LARGE1: variants seen among roughly 807,000 people sequenced by gnomAD.
LARGE1 encodes xylosyl- and glucuronyltransferase LARGE1.
LARGE1 carries 43 observed loss-of-function variants against 87.6 expected under a neutral mutation model. The observed-to-expected ratio is 0.49, with a 90% confidence interval of 0.38 to 0.63. LARGE1 has a LOEUF of 0.63. Among genes scored for constraint, LARGE1 ranks in the 30% least tolerant of loss-of-function variants. The probability of loss-of-function intolerance (pLI) is 0.00; values close to 1 mark genes in which losing one functional copy is unlikely to be tolerated. For missense variants in LARGE1, 802 were observed against 1,000.2 expected (o/e 0.80, Z 2.67); for synonymous variants, 434 against 394.6 (o/e 1.10, Z -1.18).
chr22:33,541,814 A>C (rs1406166682), intron 6 of LARGE1, among the ~76,000 whole-genome samples: 1 of 151,874 alleles, frequency 6.6e-6, no homozygotes, highest in East Asian at 1.9e-4. Flanking sequence ...TCTTAAGTCA[A>C]GGAAACAAAC....
intron 12 of LARGE1, 43 bp from the exon 13 acceptor site, chr22:33,283,391 C>T: frequency 6.2e-7 from 1 of 1,611,986 alleles, no homozygotes; most frequent in Non-Finnish European, 8.5e-7. Flanking sequence ...CCCTGTGACA[C>T]CAGGCCAAGG....
chr22:33,397,736 G>A (rs2065798089), intron 7 of LARGE1, among the ~76,000 whole-genome samples: 1 of 152,200 alleles, frequency 6.6e-6, no homozygotes, highest in South Asian at 2.1e-4. Context: ...ATGTGCTCAG[G>A]TTAAGTAGAT....
chr22:33,704,558 T>C (rs2082505368), intron 2 of LARGE1, among the ~76,000 whole-genome samples: 1 of 152,166 alleles, frequency 6.6e-6, no homozygotes, highest in South Asian at 2.1e-4. Context: ...CCTGATTCCC[T>C]GAGCACTACT....
At chr22:33,110,219 C>A in the LARGE1 span, among the ~76,000 whole-genome samples, 1 of 152,228 alleles carries the variant, frequency 6.6e-6, no homozygotes, top group Non-Finnish European at 1.5e-5. Flanking sequence ...GTCTACCCCA[C>A]ACCATCTGCA....
At chr22:33,455,343 T>C (rs1217529913) in intron 6 of LARGE1, among the ~76,000 whole-genome samples, 1 of 152,238 alleles carries the variant, frequency 6.6e-6, no homozygotes, top group African/African-American at 2.4e-5. Context: ...AAACCTTTTA[T>C]GTCATTTCTT....
chr22:33,430,380 AAG>A (rs2067037069), intron 7 of LARGE1, among the ~76,000 whole-genome samples: 1 of 152,168 alleles, frequency 6.6e-6, no homozygotes, highest in Non-Finnish European at 1.5e-5. Flanking sequence ...CTGACCTGCT[AAG>A]AGAACCACTG....
rs868429731 is a variant in LARGE1, at chr22:33,820,586, C to T, written c.-82-59028G>A. Among the ~76,000 whole-genome samples, 15 of 152,196 alleles carry T rather than the reference C, an allele frequency of 9.9e-5. 1 individual carries two copies. The highest frequency in any genetic ancestry group is 3.4e-3 in the Middle Eastern group (1 of 294). On this transcript the variant is annotated intron_variant, in intron 1 of 14. Transcript: ENST00000397394. ...AAGCAATCCTCCCGCCTCAGCCTCC[C>T]GAAGTGCTAGGATTATAGGCTTGAG...
intron 1 of LARGE1, among the ~76,000 whole-genome samples, chr22:33,817,328 C>T (rs189530452): frequency 5.9e-5 from 9 of 152,258 alleles, no homozygotes; most frequent in Non-Finnish European, 2.9e-5. Flanking sequence ...CTATTAGATA[C>T]TTTCTAAGCC....
intron 2 of LARGE1, among the ~76,000 whole-genome samples, chr22:33,701,059 G>C (rs2082392231): frequency 6.6e-6 from 1 of 152,120 alleles, no homozygotes; most frequent in Non-Finnish European, 1.5e-5. Context: ...TCTTGGGATG[G>C]GCCTGCAGTT....
intron 2 of LARGE1, among the ~76,000 whole-genome samples, chr22:33,651,419 A>G (rs2080815577): frequency 1.3e-5 from 2 of 150,258 alleles, no homozygotes; most frequent in Admixed American, 1.3e-4. Flanking sequence ...AAGAAAAAAG[A>G]TAATAATAAT....
At chr22:33,818,679 TG>T (rs1330093908) in intron 1 of LARGE1, among the ~76,000 whole-genome samples, 2 of 152,340 alleles carry the variant, frequency 1.3e-5, no homozygotes, top group East Asian at 3.9e-4. Flanking sequence ...CTGTGCTTCA[TG>T]GACCAGAAGA....
intron 6 of LARGE1, among the ~76,000 whole-genome samples, chr22:33,435,602 C>T (rs760543): frequency 0.38 from 57,033 of 151,586 alleles, 11,707 homozygotes; most frequent in African/African-American, 0.54. Context: ...CTCAGGCACC[C>T]GCTCCCCTGT....
rs768155866 is a variant in LARGE1 at position 33,277,216 on chromosome 22, G to A, written c.1917C>T (p.Phe639=). 7 of 1,614,256 alleles carry A rather than the reference G, an allele frequency of 4.3e-6. No homozygotes were observed. The highest frequency in any genetic ancestry group is 1.3e-5 in the African/African-American group (1 of 75,072). Residue 639 remains phenylalanine (F), a synonymous_variant, in exon 14 of 15, where the codon TTC becomes TTT. Coordinates refer to ENST00000397394, the MANE Select transcript of LARGE1 (RefSeq NM_133642.5). The stretch of plus-strand genomic sequence containing the variant: ...GCGTGGTGGCGGTCCGCCACTTGGC[G>A]AAGTTTGTGGGTGCGTGGCCTTTCG... ...VWTKGHAPTN[F]AKWRTATTPY...
intron 1 of LARGE1, among the ~76,000 whole-genome samples, chr22:33,766,227 A>G (rs2084896056): frequency 6.6e-6 from 1 of 152,124 alleles, no homozygotes; most frequent in South Asian, 2.1e-4. Flanking sequence ...GGTGTGAGGG[A>G]GGCCTCCCCA....
At chr22:33,491,019 C>T (rs2069817396) in intron 6 of LARGE1, among the ~76,000 whole-genome samples, 1 of 152,124 alleles carries the variant, frequency 6.6e-6, no homozygotes, top group Non-Finnish European at 1.5e-5. Context: ...GCCTGAGACC[C>T]AAACATCCCC....
intron 6 of LARGE1, among the ~76,000 whole-genome samples, chr22:33,471,386 C>G (rs563434314): frequency 6.6e-6 from 1 of 152,056 alleles, no homozygotes; most frequent in South Asian, 2.1e-4. Context: ...TGGAAAGCCC[C>G]GAACAACCCC....
intron 1 of LARGE1, among the ~76,000 whole-genome samples, chr22:33,907,569 CTT>C (rs34936785): frequency 2.7e-5 from 4 of 146,102 alleles, no homozygotes; most frequent in Non-Finnish European, 3.0e-5. Flanking sequence ...GAAGACATTT[CTT>C]TTTTTTTTTT....
chr22:33,339,161 A>T (rs941730516), intron 9 of LARGE1, among the ~76,000 whole-genome samples: 16 of 151,566 alleles, frequency 1.1e-4, no homozygotes, highest in Admixed American at 3.3e-4. Flanking sequence ...AAATAAAAAA[A>T]AAAAAAAAAA....
chr22:33,601,180 G>A (rs1355723189), intron 5 of LARGE1, among the ~76,000 whole-genome samples: 1 of 152,192 alleles, frequency 6.6e-6, no homozygotes, highest in East Asian at 1.9e-4. Context: ...TTTTTGGAAA[G>A]CTGACTTTTG....
Sources: gnomAD v4.1 joint callset for allele counts (sites outside exome capture counted in the v4.1 genomes callset) on GRCh38, gnomAD v4.1.1 for gene constraint, MANE v1.5 for transcripts, NCBI Gene and HGNC (gene_info 2026-07-23, HGNC 2026-07-21) for gene names.